Variants in LRFN2 observed in about 807,000 individuals in gnomAD.
LRFN2 encodes leucine-rich repeat and fibronectin type-III domain-containing protein 2.
In LRFN2, 18 loss-of-function variants were observed where a neutral mutation model predicts 37.3. The ratio of observed to expected loss-of-function variants is 0.48; its 90% CI spans 0.33 to 0.72. The LOEUF (loss-of-function observed/expected upper bound fraction) is 0.72, where lower values mean the gene tolerates loss of function less well. LRFN2 is among the 30% of genes least tolerant of loss of function. LRFN2 has a pLI of 0.02. For missense variants in LRFN2, 1,006 were observed against 1,060.7 expected, an observed-to-expected ratio of 0.95 and a Z score of 0.72; for synonymous variants, 556 against 466.6, an observed-to-expected ratio of 1.19 and a Z score of -2.47.
chr6:40,571,217 G>C (rs1477385588), intron 1 of LRFN2, among the ~76,000 whole-genome samples: 1 of 152,228 alleles, frequency 6.6e-6, no homozygotes, highest in Non-Finnish European at 1.5e-5. Flanking sequence ...GCTAGCCTCT[G>C]TCACCTAGCA....
At chr6:40,554,365 G>A (rs1249467097) in intron 1 of LRFN2, among the ~76,000 whole-genome samples, 1 of 152,182 alleles carries the variant, frequency 6.6e-6, no homozygotes, top group Admixed American at 6.5e-5. Flanking sequence ...CCCTGCCTTG[G>A]TTCCACTCAG....
intron 1 of LRFN2, among the ~76,000 whole-genome samples, chr6:40,465,987 A>G (rs1441337554): frequency 6.6e-6 from 1 of 152,192 alleles, no homozygotes; most frequent in Non-Finnish European, 1.5e-5. Context: ...AATCCTCTTA[A>G]GGCCCTACAG....
intron 2 of LRFN2, among the ~76,000 whole-genome samples, chr6:40,394,926 T>A (rs1349816452): frequency 6.6e-6 from 1 of 151,352 alleles, no homozygotes; most frequent in East Asian, 1.9e-4. Context: ...CATGTGGAAC[T>A]GTGAGTCCAT....
At chr6:40,503,146 C>T (rs942055391) in intron 1 of LRFN2, among the ~76,000 whole-genome samples, 5 of 152,090 alleles carry the variant, frequency 3.3e-5, no homozygotes, top group Admixed American at 2.0e-4. Context: ...GGCCAGGTCT[C>T]GGATATGGAG....
intron 1 of LRFN2, among the ~76,000 whole-genome samples, chr6:40,586,358 T>A (rs1378262253): frequency 6.6e-6 from 1 of 151,870 alleles, no homozygotes; most frequent in Non-Finnish European, 1.5e-5. Context: ...ACACACACAA[T>A]CCCCCTGATC....
chr6:40,424,882 C>T (rs529231908), intron 2 of LRFN2, among the ~76,000 whole-genome samples: 1 of 152,358 alleles, frequency 6.6e-6, no homozygotes, highest in East Asian at 1.9e-4. Flanking sequence ...CTCCCCATGG[C>T]CCCAGATCCT....
chr6:40,563,320 C>T (rs915324731), intron 1 of LRFN2, among the ~76,000 whole-genome samples: 13 of 152,166 alleles, frequency 8.5e-5, no homozygotes, highest in Non-Finnish European at 1.8e-4. Flanking sequence ...GGACAGCTGC[C>T]GGGCCAATGA....
At chr6:40,538,214 AG>A (rs1488749009) in intron 1 of LRFN2, among the ~76,000 whole-genome samples, 3 of 152,154 alleles carry the variant, frequency 2.0e-5, no homozygotes, top group Non-Finnish European at 2.9e-5. Flanking sequence ...GCAGGAAGTG[AG>A]GGGGCTACCT....
In LRFN2 at chr6:40,520,717, G is replaced by T. The variant is rs550805571; in HGVS notation, c.-19+66224C>A. On this transcript the variant is annotated intron_variant, in intron 1 of 2. Coordinates refer to ENST00000338305, the MANE Select transcript of LRFN2 (RefSeq NM_020737.3). ...TGGAGGCTGGTGCAGGCTGCAGTAG[G>T]GGGAGGGAGGGGTGGAGAGTTGCCC... Among the ~76,000 whole-genome samples, 5 of 152,254 alleles carry T rather than the reference G, an allele frequency of 3.3e-5. No homozygotes were observed. The South Asian group carries it at 6.2e-4, about 19-fold the overall frequency.
At chr6:40,443,686 G>T (rs71573307) in intron 1 of LRFN2, among the ~76,000 whole-genome samples, 29,966 of 152,056 alleles carry the variant, frequency 0.2, 3,700 homozygotes, top group Middle Eastern at 0.38. Context: ...TCAGTCAGGG[G>T]CTTGAGAGGA....
intron 1 of LRFN2, among the ~76,000 whole-genome samples, chr6:40,538,064 C>T (rs1383508038): frequency 6.6e-6 from 1 of 152,192 alleles, no homozygotes; most frequent in Admixed American, 6.5e-5. Flanking sequence ...CACCAACGCT[C>T]GCCTTGGAAC....
At chr6:40,495,759 T>C (rs1765210687) in intron 1 of LRFN2, among the ~76,000 whole-genome samples, 1 of 152,226 alleles carries the variant, frequency 6.6e-6, no homozygotes, top group Non-Finnish European at 1.5e-5. Context: ...TCAGATTGCC[T>C]AAGGCTTGAT....
chr6:40,499,747 C>T (rs1765327112), intron 1 of LRFN2, among the ~76,000 whole-genome samples: 1 of 152,114 alleles, frequency 6.6e-6, no homozygotes, highest in African/African-American at 2.4e-5. Flanking sequence ...CGAGTTTGTG[C>T]TGCAAGGTCA....
intron 1 of LRFN2, among the ~76,000 whole-genome samples, chr6:40,550,236 T>C (rs769280557): frequency 8.6e-5 from 13 of 151,846 alleles, no homozygotes; most frequent in Non-Finnish European, 1.3e-4. Flanking sequence ...AGGGCTAGGG[T>C]ATGAGCAGAG....
At chr6:40,484,870 A>C (rs1203362765) in intron 1 of LRFN2, among the ~76,000 whole-genome samples, 1 of 152,232 alleles carries the variant, frequency 6.6e-6, no homozygotes, top group Non-Finnish European at 1.5e-5. Context: ...TCTGCCATCC[A>C]TACTTGCTCC....
intron 1 of LRFN2, among the ~76,000 whole-genome samples, chr6:40,459,332 C>A (rs1260173305): frequency 1.3e-5 from 2 of 152,210 alleles, no homozygotes; most frequent in Admixed American, 1.3e-4. Flanking sequence ...GCCAGAGGAA[C>A]TTCAATTGTG....
intron 1 of LRFN2, among the ~76,000 whole-genome samples, chr6:40,582,420 G>T (rs116397509): frequency 0.019 from 2,930 of 151,888 alleles, 76 homozygotes; most frequent in African/African-American, 0.065. Flanking sequence ...GGAGGCCCCG[G>T]CTCTCCTGCA....
intron 1 of LRFN2, among the ~76,000 whole-genome samples, chr6:40,434,297 A>C (rs1763589126): frequency 6.6e-6 from 1 of 152,130 alleles, no homozygotes; most frequent in Non-Finnish European, 1.5e-5. Flanking sequence ...TTGCGCCTCC[A>C]AATGTCAACA....
chr6:40,541,710 A>G (rs2436753), intron 1 of LRFN2, among the ~76,000 whole-genome samples: 6,966 of 152,228 alleles, frequency 0.046, 542 homozygotes, highest in African/African-American at 0.15. Flanking sequence ...AGGTGTAGGT[A>G]ACAGGTCACA....
Sources: allele counts gnomAD v4.1 joint callset (sites outside exome capture counted in the v4.1 genomes callset), GRCh38; gene constraint gnomAD v4.1.1; transcripts MANE v1.5; gene names NCBI Gene and HGNC (gene_info 2026-07-23, HGNC 2026-07-21).